The following SLCO3A1 variants were observed in gnomAD, a reference collection of about 807,000 sequenced individuals.
SLCO3A1 encodes solute carrier organic anion transporter family member 3A1.
A neutral mutation model predicts 63.1 loss-of-function variants in SLCO3A1; 27 were observed. That is an observed-to-expected ratio of 0.43 (90% CI 0.32 to 0.59). SLCO3A1 has a LOEUF of 0.59. Ranked by LOEUF, SLCO3A1 falls within the 20% of genes least tolerant of loss-of-function variation. The pLI is 0.09. For synonymous variants in SLCO3A1, 473 were observed against 409.9 expected (o/e 1.15, Z -1.86); for missense variants, 773 against 945.8 (o/e 0.82, Z 2.40).
chr15:91,853,836 C>T lies in SLCO3A1; in HGVS notation c.-73C>T, dbSNP rs1306486223. ...CAGCCTCGAGGCGCGCACCCCCGCC[C>T]GGCAGCGGCCCCGACACCCGGGGCG... On this transcript the variant is annotated 5_prime_UTR_variant, in exon 1 of 10. Transcript: ENST00000318445. 5.9e-6 allele frequency: 7 copies of T among 1,195,660 alleles called. No homozygotes were observed. The highest frequency in any genetic ancestry group is 7.2e-6 in the Non-Finnish European group (7 of 970,212). The allele number at this position is 1,195,660 out of a possible 1,614,324, so 74.1% of individuals were successfully genotyped here. A position where few individuals can be genotyped will look rare whatever the true frequency, so the allele number is the denominator to read the frequency against.
intron 2 of SLCO3A1, among the ~76,000 whole-genome samples, chr15:91,990,233 G>T (rs1247760601): frequency 6.6e-6 from 1 of 152,218 alleles, no homozygotes; most frequent in African/African-American, 2.4e-5. Flanking sequence ...GTCAGAGCTA[G>T]AGTTTTGTGA....
intron 2 of SLCO3A1, among the ~76,000 whole-genome samples, chr15:92,092,952 A>G (rs1027365081): frequency 6.6e-6 from 1 of 152,240 alleles, no homozygotes; most frequent in African/African-American, 2.4e-5. Flanking sequence ...ATTTGGAAAC[A>G]GTGGAACTTC....
intron 2 of SLCO3A1, among the ~76,000 whole-genome samples, chr15:91,980,657 C>T (rs1030767962): frequency 6.6e-6 from 1 of 152,164 alleles, no homozygotes; most frequent in East Asian, 1.9e-4. Context: ...TTCTCCCTCA[C>T]ACCATGCAGC....
At chr15:92,066,298 G>A (rs1194213986) in intron 2 of SLCO3A1, among the ~76,000 whole-genome samples, 5 of 152,204 alleles carry the variant, frequency 3.3e-5, no homozygotes, top group Non-Finnish European at 5.9e-5. Flanking sequence ...GAAAGAACCT[G>A]TTCAAATCCT....
In SLCO3A1 at chr15:91,961,790, T is replaced by C. The variant is rs539184095; in HGVS notation, c.646+45332T>C. Among the ~76,000 whole-genome samples, 10 of 152,368 alleles carry C rather than the reference T, an allele frequency of 6.6e-5. No individual in the cohort carries two copies. In the East Asian group the frequency reaches 1.9e-3, roughly 29 times the overall value. ...ATAAAATACATTTATTTACTTATTGTCATTCCTCACCAGAATGCCAGCTCT... is the reference window on the plus strand; with the variant it reads ...ATAAAATACATTTATTTACTTATTGCCATTCCTCACCAGAATGCCAGCTCT... On this transcript the variant is annotated intron_variant, in intron 2 of 9. Coordinates refer to ENST00000318445, the MANE Select transcript of SLCO3A1 (RefSeq NM_013272.4).
chr15:91,893,368 C>G (rs1303099839), intron 1 of SLCO3A1, among the ~76,000 whole-genome samples: 2 of 152,152 alleles, frequency 1.3e-5, no homozygotes, highest in African/African-American at 4.8e-5. Flanking sequence ...TTAGAAACAA[C>G]AAACATTTAT....
At chr15:92,007,367 T>C (rs1487836265) in intron 2 of SLCO3A1, among the ~76,000 whole-genome samples, 1 of 152,196 alleles carries the variant, frequency 6.6e-6, no homozygotes, top group Non-Finnish European at 1.5e-5. Flanking sequence ...GATGGATATA[T>C]GGCTGGAGTA....
intron 2 of SLCO3A1, among the ~76,000 whole-genome samples, chr15:92,016,301 T>C (rs1325906069): frequency 8.1e-6 from 1 of 123,276 alleles, no homozygotes; most frequent in African/African-American, 3.0e-5. Flanking sequence ...ATATATATAT[T>C]ATGTATTTGA....
chr15:91,876,857 T>C lies in SLCO3A1; in HGVS notation c.180+22769T>C, dbSNP rs185848337. Among the ~76,000 whole-genome samples the C allele has an allele frequency of 1.9e-4, 29 of 152,358 alleles. 2 individuals are homozygous for C. In the East Asian group the frequency reaches 4.8e-3, roughly 25 times the overall value. ...GGCCTATGGTAGAGGGACTGCCCTGTGGGATCACAGGCCTTTTCTGTATTC... is the reference window on the plus strand; with the variant it reads ...GGCCTATGGTAGAGGGACTGCCCTGCGGGATCACAGGCCTTTTCTGTATTC... On this transcript the variant is annotated intron_variant, in intron 1 of 9. Transcript: ENST00000318445.
chr15:91,863,998 G>A lies in SLCO3A1; in HGVS notation c.180+9910G>A, dbSNP rs1897106953. The stretch of plus-strand genomic sequence containing the variant: ...GAGATGCATATAAATAGATCAAAAA[G>A]CCAGTGAGCAGTTTTGCAGCTTTGC... On this transcript the variant is annotated intron_variant, in intron 1 of 9. Transcript: ENST00000318445. The surrounding 1 kb of genome is among the most constrained non-coding windows in gnomAD (Gnocchi z 4.3). Among the ~76,000 whole-genome samples the A allele has an allele frequency of 6.6e-6, 1 of 152,228 alleles. No homozygotes were observed. Among genetic ancestry groups the A allele is most frequent in the Admixed American group, 6.5e-5 (1 of 15,282 alleles).
intron 1 of SLCO3A1, 119 bp from the exon 2 acceptor site, chr15:91,915,874 C>T: frequency 2.5e-6 from 2 of 800,582 alleles, no homozygotes; most frequent in South Asian, 1.5e-5. Context: ...GCACCTGGCA[C>T]CGGAGGCCAG....
chr15:91,967,714 G>A lies in SLCO3A1; in HGVS notation c.646+51256G>A, dbSNP rs1900710158. Reference sequence around the variant, plus strand: ...CTCTCCTGTTTTCCTGGATCATATTGTCTCTCAAATATCAATAGCACAGTT... The same window carrying A: ...CTCTCCTGTTTTCCTGGATCATATTATCTCTCAAATATCAATAGCACAGTT... On this transcript the variant is annotated intron_variant, in intron 2 of 9. Transcript: ENST00000318445. The surrounding 1 kb of genome is among the most constrained non-coding windows in gnomAD (Gnocchi z 4.4). Among the ~76,000 whole-genome samples, 1 of 152,108 alleles carries A rather than the reference G, an allele frequency of 6.6e-6. No individual in the cohort carries two copies. The highest frequency in any genetic ancestry group is 1.5e-5 in the Non-Finnish European group (1 of 68,026).
chr15:91,944,326 C>T (rs1225554632), intron 2 of SLCO3A1, among the ~76,000 whole-genome samples: 1 of 152,138 alleles, frequency 6.6e-6, no homozygotes, highest in Non-Finnish European at 1.5e-5. Flanking sequence ...GATTCAGTAC[C>T]TGATTTCTGG....
rs368882838 is a variant in SLCO3A1, at chr15:92,040,892, G to GA, written c.647-53988dup. Among the ~76,000 whole-genome samples the GA allele has an allele frequency of 4.3e-3, 658 of 152,202 alleles. 6 individuals carry two copies. The highest frequency in any genetic ancestry group is 0.015 in the African/African-American group (633 of 41,536). ...AGAAATTCAAGTTGACTTAGTCTGGGATCTGGGCCTGGGAATCAGCATTTT... is the reference window on the plus strand; with the variant it reads ...AGAAATTCAAGTTGACTTAGTCTGGGAATCTGGGCCTGGGAATCAGCATTTT... On this transcript the variant is annotated intron_variant, in intron 2 of 9. Coordinates refer to ENST00000318445, the MANE Select transcript of SLCO3A1 (RefSeq NM_013272.4).
At chr15:91,888,112 G>A (rs1897772840) in intron 1 of SLCO3A1, among the ~76,000 whole-genome samples, 2 of 152,308 alleles carry the variant, frequency 1.3e-5, no homozygotes, top group East Asian at 1.9e-4. Context: ...TTGTGGTTTG[G>A]TTGGTTGCAT....
rs146811388 is a variant in SLCO3A1, at chr15:92,126,164, C to G, written c.1278C>G (p.Leu426=). The part of the protein sequence containing the change: ...SALGAIRMAM[L]VNLVSTACYV... ...TGGGGGCCATTCGGATGGCCATGCT[C>G]GTCAACCTGGTGTCCACTGCTTGCT... Residue 426 remains leucine, a synonymous_variant, in exon 6 of 10, where the codon CTC becomes CTG. Transcript: ENST00000318445. 55 of 1,613,990 alleles carry G rather than the reference C, an allele frequency of 3.4e-5. No individual in the cohort carries two copies. The African/African-American group carries it at 5.5e-4, about 16-fold the overall frequency.
chr15:91,997,041 A>G (rs2046200009), intron 2 of SLCO3A1, among the ~76,000 whole-genome samples: 1 of 152,198 alleles, frequency 6.6e-6, no homozygotes, highest in African/African-American at 2.4e-5. Flanking sequence ...AAGTCTTCCA[A>G]ATGGAAAAGA....
intron 4 of SLCO3A1, among the ~76,000 whole-genome samples, chr15:92,119,714 C>T (rs1175193675): frequency 6.6e-6 from 1 of 152,148 alleles, no homozygotes; most frequent in Admixed American, 6.5e-5. Flanking sequence ...GACCTCGGGC[C>T]ATGGCACAGC....
chr15:92,159,508 C>T (rs767453293), intron 9 of SLCO3A1, among the ~76,000 whole-genome samples: 123 of 151,318 alleles, frequency 8.1e-4, no homozygotes, highest in Non-Finnish European at 1.4e-3. Flanking sequence ...TTTATTTCAT[C>T]TCTACCACAA....
Sources: allele counts gnomAD v4.1 joint callset (sites outside exome capture counted in the v4.1 genomes callset), GRCh38; gene constraint gnomAD v4.1.1; non-coding constraint Gnocchi (gnomAD v3.1); transcripts MANE v1.5; gene names NCBI Gene and HGNC (gene_info 2026-07-23, HGNC 2026-07-21).